The following ZC3H18 variants were observed in gnomAD, a reference collection of about 807,000 sequenced individuals.
ZC3H18 encodes zinc finger CCCH domain-containing protein 18.
A neutral mutation model predicts 106.1 loss-of-function variants in ZC3H18; 8 were observed. The ratio of observed to expected loss-of-function variants is 0.08; its 90% CI spans 0.04 to 0.14. The LOEUF is 0.14. ZC3H18 is among the 10% of genes least tolerant of loss of function. The probability of loss-of-function intolerance (pLI) is 1.00; values close to 1 mark genes in which losing one functional copy is unlikely to be tolerated. For missense variants in ZC3H18, 1,318 were observed against 1,278.4 expected (o/e 1.03, Z -0.47); for synonymous variants, 635 against 522.1 (o/e 1.22, Z -2.95).
chr16:88,618,959 G>A (rs888777845), intron 8 of ZC3H18, among the ~76,000 whole-genome samples: 2 of 152,118 alleles, frequency 1.3e-5, no homozygotes, highest in South Asian at 2.1e-4. Flanking sequence ...GCTGTCCTGG[G>A]GCACCCATGT....
intron 1 of ZC3H18, among the ~76,000 whole-genome samples, chr16:88,576,243 T>C (rs1007159609): frequency 3.3e-5 from 5 of 151,924 alleles, no homozygotes; most frequent in Non-Finnish European, 7.4e-5. Context: ...GGTCTCACCA[T>C]GTTGCCCAGG....
chr16:88,574,503 C>T (rs188392801), intron 1 of ZC3H18, among the ~76,000 whole-genome samples: 1 of 151,768 alleles, frequency 6.6e-6, no homozygotes, highest in East Asian at 1.9e-4. Context: ...GCCACCACGC[C>T]TGGCCAGATT....
intron 6 of ZC3H18, 101 bp downstream of exon 6, chr16:88,600,049 A>ACCCAGC (rs1904666693): frequency 7.2e-7 from 1 of 1,395,754 alleles, no homozygotes; most frequent in South Asian, 1.4e-5. Flanking sequence ...CTCGGCTGAG[A>ACCCAGC]CCCAGCCCCA....
At chr16:88,607,456 A>C (rs1408946079) in intron 6 of ZC3H18, among the ~76,000 whole-genome samples, 1 of 152,236 alleles carries the variant, frequency 6.6e-6, no homozygotes, top group Non-Finnish European at 1.5e-5. Context: ...TTTATCAGTC[A>C]GTGTAGGAAG....
At chr16:88,587,765 T>C (rs1408989807) in intron 3 of ZC3H18, among the ~76,000 whole-genome samples, 2 of 152,140 alleles carry the variant, frequency 1.3e-5, no homozygotes, top group African/African-American at 2.4e-5. Flanking sequence ...ACCTCCTCCT[T>C]AGAGGCACGT....
In ZC3H18 at chr16:88,631,602, T is replaced by G. The variant is rs566811213; in HGVS notation, c.*303T>G. On this transcript the variant is annotated 3_prime_UTR_variant, in exon 18 of 18. Coordinates refer to ENST00000301011, the MANE Select transcript of ZC3H18 (RefSeq NM_144604.4). ...CGCCTTCTCTTCCTCCTCCTCCGTC[T>G]TCTTCCCTGGCCCTGGTCAGGCCTG... 2.4e-5 allele frequency: 12 copies of G among 495,504 alleles called. No individual in the cohort carries two copies. The highest frequency in any genetic ancestry group is 1.4e-4 in the Admixed American group (6 of 43,564). 30.7% of individuals were successfully genotyped at this position (495,504 alleles called of 1,614,324 possible).
intron 6 of ZC3H18, among the ~76,000 whole-genome samples, chr16:88,604,301 A>G (rs1214465728): frequency 6.6e-6 from 1 of 151,420 alleles, no homozygotes; most frequent in Non-Finnish European, 1.5e-5. Context: ...GCAGCAAGTG[A>G]GATCGTGCCA....
At chr16:88,587,357 A>G (rs1225284155) in intron 3 of ZC3H18, among the ~76,000 whole-genome samples, 1 of 152,296 alleles carries the variant, frequency 6.6e-6, no homozygotes, top group East Asian at 1.9e-4. Context: ...TCCAACTTGT[A>G]AGGGTATCTT....
chr16:88,622,519 A>G (rs1906030594), intron 9 of ZC3H18, 131 bp downstream of exon 9: 1 of 1,011,994 alleles, frequency 9.9e-7, no homozygotes, highest in Non-Finnish European at 1.4e-6. Flanking sequence ...CCTGCAGACC[A>G]GTCAGTGGGA....
chr16:88,581,076 G>A lies in ZC3H18; in HGVS notation c.603+3350G>A, dbSNP rs1021608339. 2.9e-4 allele frequency among the ~76,000 whole-genome samples: 44 copies of A among 152,228 alleles called. 1 individual carries two copies. Among genetic ancestry groups the A allele is most frequent in the Admixed American group, 5.2e-4 (8 of 15,278 alleles). On this transcript the variant is annotated intron_variant, in intron 2 of 17. Coordinates refer to ENST00000301011, the MANE Select transcript of ZC3H18 (RefSeq NM_144604.4). ...CTACCCCTTGGCACCCTGGTCTACT[G>A]GATACCTGGAAGGATTGAATGGCAA...
intron 8 of ZC3H18, among the ~76,000 whole-genome samples, chr16:88,620,379 A>T (rs1905881626): frequency 6.6e-6 from 1 of 152,270 alleles, no homozygotes; most frequent in African/African-American, 2.4e-5. Context: ...ACTTGAGGCC[A>T]GAAATTCGAG....
At chr16:88,601,047 G>A (rs190884730) in intron 6 of ZC3H18, among the ~76,000 whole-genome samples, 2 of 152,364 alleles carry the variant, frequency 1.3e-5, no homozygotes, top group Admixed American at 1.3e-4. Flanking sequence ...TGTCGACTTG[G>A]CCCTGCAAGG....
At chr16:88,582,865 G>T (rs896695447) in intron 2 of ZC3H18, among the ~76,000 whole-genome samples, 1 of 152,174 alleles carries the variant, frequency 6.6e-6, no homozygotes, top group Admixed American at 6.5e-5. Flanking sequence ...GAGGGTCCCC[G>T]AGACCTCTGC....
At chr16:88,578,447 A>C (rs919594168) in intron 2 of ZC3H18, among the ~76,000 whole-genome samples, 4 of 152,160 alleles carry the variant, frequency 2.6e-5, no homozygotes, top group African/African-American at 9.7e-5. Context: ...AACACCCCAA[A>C]GTCCTCCTGA....
intron 10 of ZC3H18, 200 bp downstream of exon 10, chr16:88,623,544 G>A (rs1906103185): frequency 1.0e-5 from 7 of 681,782 alleles, no homozygotes; most frequent in Non-Finnish European, 4.8e-6. Flanking sequence ...TTGTGTAGAT[G>A]CGTGCTGTCA....
At chr16:88,599,749 G>T in intron 5 of ZC3H18, 42 bp from the exon 6 acceptor site, 2 of 1,581,922 alleles carry the variant, frequency 1.3e-6, no homozygotes, top group Non-Finnish European at 1.7e-6. Context: ...GCGACGCCCG[G>T]TATTCTGTTC....
At chr16:88,588,172 T>A (rs1237355277) in intron 3 of ZC3H18, among the ~76,000 whole-genome samples, 1 of 152,232 alleles carries the variant, frequency 6.6e-6, no homozygotes. Context: ...AGACCTCTTT[T>A]CCATAATAGT....
intron 6 of ZC3H18, among the ~76,000 whole-genome samples, chr16:88,606,360 C>T (rs954645103): frequency 6.6e-6 from 1 of 152,180 alleles, no homozygotes; most frequent in South Asian, 2.1e-4. Context: ...CAGATGGTTC[C>T]GAGGCAGCCA....
intron 8 of ZC3H18, among the ~76,000 whole-genome samples, chr16:88,618,654 T>G (rs962786847): frequency 6.6e-6 from 1 of 152,114 alleles, no homozygotes; most frequent in Non-Finnish European, 1.5e-5. Flanking sequence ...CATGTTTGCA[T>G]TGGTGGTGGA....
Sources: gnomAD v4.1 joint callset for allele counts (sites outside exome capture counted in the v4.1 genomes callset) on GRCh38, gnomAD v4.1.1 for gene constraint, MANE v1.5 for transcripts, NCBI Gene and HGNC (gene_info 2026-07-23, HGNC 2026-07-21) for gene names.